SEC61A2: variants seen among roughly 807,000 people sequenced by gnomAD.
SEC61A2 encodes protein transport protein Sec61 subunit alpha isoform 2.
In SEC61A2, 28 loss-of-function variants were observed where a neutral mutation model predicts 59.9. The ratio of observed to expected loss-of-function variants is 0.47; its 90% CI spans 0.35 to 0.64. The LOEUF is 0.64. Among genes scored for constraint, SEC61A2 ranks in the 30% least tolerant of loss-of-function variants. The probability of loss-of-function intolerance (pLI) is 0.01; values close to 1 mark genes in which losing one functional copy is unlikely to be tolerated. For missense variants in SEC61A2, 340 were observed against 585.9 expected (o/e 0.58, Z 4.33); for synonymous variants, 202 against 214.4 (o/e 0.94, Z 0.50).
At chr10:12,146,137 C>T (rs1242502681) in intron 4 of SEC61A2, among the ~76,000 whole-genome samples, 2 of 152,190 alleles carry the variant, frequency 1.3e-5, no homozygotes, top group East Asian at 1.9e-4. Flanking sequence ...TTTCCTGCCT[C>T]AGCCTCCTGA....
intron 6 of SEC61A2, among the ~76,000 whole-genome samples, chr10:12,150,798 G>A (rs573229659): frequency 4.3e-4 from 63 of 147,602 alleles, no homozygotes; most frequent in African/African-American, 1.5e-3. Context: ...TTTTTGAGAC[G>A]GAGTCTCACT....
At position 12,142,363 on chromosome 10, in the gene SEC61A2, C is replaced by T. The variant is rs1358191614; in HGVS notation, c.142-754C>T. On this transcript the variant is annotated intron_variant, in intron 3 of 11. Transcript: ENST00000298428. This position sits in a 1 kb window ranked among gnomAD's most constrained non-coding sequence, Gnocchi z 5.4. ...AAATGTCTTGGGTGGGGGCTAAAATCACCCCTAGTTTAGAACTGCTATTTT... is the reference window on the plus strand; with the variant it reads ...AAATGTCTTGGGTGGGGGCTAAAATTACCCCTAGTTTAGAACTGCTATTTT... 1 of 248,240 alleles carries T rather than the reference C, an allele frequency of 4.0e-6. No homozygotes were observed. Among genetic ancestry groups the T allele is most frequent in the Non-Finnish European group, 6.4e-6 (1 of 156,188 alleles). 15.4% of individuals were successfully genotyped at this position (248,240 alleles called of 1,614,324 possible). A position where few individuals can be genotyped will look rare whatever the true frequency, so the allele number is the denominator to read the frequency against.
downstream of SEC61A2, chr10:12,167,656 G>A (rs771153328): frequency 6.4e-7 from 1 of 1,560,650 alleles, no homozygotes; most frequent in South Asian, 1.1e-5. Context: ...TAGTGAAGAA[G>A]GCCTGGTGGT....
chr10:12,139,145 A>T (rs905907193), intron 3 of SEC61A2, among the ~76,000 whole-genome samples: 1 of 151,784 alleles, frequency 6.6e-6, no homozygotes, highest in Admixed American at 6.6e-5. Flanking sequence ...TATTTTTCGT[A>T]GAGCTGGGGT....
intron 3 of SEC61A2, 63 bp downstream of exon 3, chr10:12,136,233 A>C: frequency 9.6e-7 from 1 of 1,044,346 alleles, no homozygotes; most frequent in Admixed American, 1.9e-5. Context: ...ATTGGTTAGA[A>C]TTTGAGAATT....
chr10:12,146,116 G>A (rs1370662471), intron 4 of SEC61A2, among the ~76,000 whole-genome samples: 2 of 152,096 alleles, frequency 1.3e-5, no homozygotes, highest in Non-Finnish European at 1.5e-5. Context: ...CACTTCTCAG[G>A]TTCAAGCGAT....
downstream of SEC61A2, chr10:12,166,727 T>C (rs1246182293): frequency 2.0e-6 from 1 of 510,020 alleles, no homozygotes; most frequent in Non-Finnish European, 4.0e-6. Context: ...TGGAAAATCA[T>C]GGAGCTGCTG....
chr10:12,131,881 G>C (rs1311581015), intron 1 of SEC61A2, among the ~76,000 whole-genome samples: 1 of 3,692 alleles, frequency 2.7e-4, no homozygotes, highest in Non-Finnish European at 4.9e-4. Flanking sequence ...ATTTTTAGTA[G>C]AGACGGGGGT....
In SEC61A2 at chr10:12,141,189, C is replaced by T. The variant is rs565604112; in HGVS notation, c.142-1928C>T. Reference sequence around the variant, plus strand: ...TACTGGTGTTACAGGCCTGAGCCATCGTGCCTGGCCCTCACCTCTCACTTT... The same window carrying T: ...TACTGGTGTTACAGGCCTGAGCCATTGTGCCTGGCCCTCACCTCTCACTTT... On this transcript the variant is annotated intron_variant, in intron 3 of 11. Coordinates refer to ENST00000298428, the MANE Select transcript of SEC61A2 (RefSeq NM_018144.4). Among the ~76,000 whole-genome samples, 5 of 152,296 alleles carry T rather than the reference C, an allele frequency of 3.3e-5. No individual in the cohort carries two copies. The South Asian group carries it at 6.2e-4, about 19-fold the overall frequency.
chr10:12,151,441 A>T (rs1199730009), intron 6 of SEC61A2, among the ~76,000 whole-genome samples: 1 of 148,666 alleles, frequency 6.7e-6, no homozygotes. Context: ...CTTCCTGAGT[A>T]GCTGGGACTA....
At position 12,155,584 on chromosome 10, in the gene SEC61A2, G is replaced by C. The variant is rs1834378558; in HGVS notation, c.463-194G>C. 6.6e-6 allele frequency among the ~76,000 whole-genome samples: 1 copy of C among 152,188 alleles called. No individual in the cohort carries two copies. Among genetic ancestry groups the C allele is most frequent in the African/African-American group, 2.4e-5 (1 of 41,444 alleles). On this transcript the variant is annotated intron_variant, in intron 6 of 11. Transcript: ENST00000298428. This position sits in a 1 kb window ranked among gnomAD's most constrained non-coding sequence, Gnocchi z 4.3. The stretch of plus-strand genomic sequence containing the variant: ...GCTTTATAATACAACAGTATTTCCA[G>C]TCCTCTTACTGTTCTAGATTGGCCT...
chr10:12,138,810 A>G (rs1337615185), intron 3 of SEC61A2, among the ~76,000 whole-genome samples: 2 of 152,214 alleles, frequency 1.3e-5, no homozygotes, highest in African/African-American at 2.4e-5. Flanking sequence ...CAACACATCA[A>G]TTTGCTATGA....
rs1351171744 is a variant in SEC61A2, at chr10:12,152,107, G to C, written c.462+2146G>C. Among the ~76,000 whole-genome samples, 4 of 151,670 alleles carry C rather than the reference G, an allele frequency of 2.6e-5. No individual in the cohort carries two copies. Among genetic ancestry groups the C allele is most frequent in the African/African-American group, 9.7e-5 (4 of 41,256 alleles). ...GGGCAGGAATTTTTTTTTTCGAGAC[G>C]GAGTCCTGCTCTGTCTCCCAGACTA... On this transcript the variant is annotated intron_variant, in intron 6 of 11. Transcript: ENST00000298428. The surrounding 1 kb of genome is among the most constrained non-coding windows in gnomAD (Gnocchi z 5.5).
Position 12,164,542 on chromosome 10 carries a change from C to T in SEC61A2, c.*88C>T. ...AGATGACACTGGTGGCTCCCCTTTT[C>T]TCCCCTCACAGTTTCTTGTTTCGAG... On this transcript the variant is annotated 3_prime_UTR_variant, in exon 12 of 12. Transcript: ENST00000298428. This position sits in a 1 kb window ranked among gnomAD's most constrained non-coding sequence, Gnocchi z 7.3. 1.3e-6 allele frequency: 2 copies of T among 1,526,668 alleles called. No homozygotes were observed. The highest frequency in any genetic ancestry group is 1.8e-6 in the Non-Finnish European group (2 of 1,141,304). 94.6% of individuals were successfully genotyped at this position (1,526,668 alleles called of 1,614,324 possible). A position where few individuals can be genotyped will look rare whatever the true frequency, so the allele number is the denominator to read the frequency against.
At chr10:12,167,767 A>C (rs1234527318), downstream of SEC61A2, 1 of 1,614,238 alleles carries the variant, frequency 6.2e-7, no homozygotes, top group Non-Finnish European at 8.5e-7. Flanking sequence ...AGAGCGTAGG[A>C]ATAGACCCTG....
rs999244352 is a variant in SEC61A2 at position 12,158,971 on chromosome 10, AT to A, written c.975+875del. 4.8e-5 allele frequency among the ~76,000 whole-genome samples: 7 copies of A among 146,382 alleles called. No individual in the cohort carries two copies. The East Asian group carries it at 6.0e-4, about 13-fold the overall frequency. On this transcript the variant is annotated intron_variant, in intron 9 of 11. Coordinates refer to ENST00000298428, the MANE Select transcript of SEC61A2 (RefSeq NM_018144.4). The surrounding 1 kb of genome is among the most constrained non-coding windows in gnomAD (Gnocchi z 5.7). ...ATTCTCATATACATCCCCCATCATA[AT>A]TTTTTTTTCTTTTTTTTTTTTTTGA... is the stretch of plus-strand genomic sequence containing the variant.
chr10:12,157,802 G>A lies in SEC61A2; in HGVS notation c.778-106G>A, dbSNP rs536983856. 43 of 1,058,686 alleles carry A rather than the reference G, an allele frequency of 4.1e-5. 1 individual carries two copies. In the East Asian group the frequency reaches 8.6e-4, roughly 21 times the overall value. The allele number at this position is 1,058,686 out of a possible 1,614,324, so 65.6% of individuals were successfully genotyped here. ...AGGCCTGAGCCCCTGTGCCCGGCCG[G>A]CATTGTCTTTTCATCCCCCGCACTG... On this transcript the variant is annotated intron_variant, in intron 8 of 11. Transcript: ENST00000298428.
rs1413839157 is a variant in SEC61A2, at chr10:12,142,731, A to G, written c.142-386A>G. Among the ~76,000 whole-genome samples, 1 of 152,192 alleles carries G rather than the reference A, an allele frequency of 6.6e-6. No individual in the cohort carries two copies. The highest frequency in any genetic ancestry group is 2.4e-5 in the African/African-American group (1 of 41,454). On this transcript the variant is annotated intron_variant, in intron 3 of 11. Coordinates refer to ENST00000298428, the MANE Select transcript of SEC61A2 (RefSeq NM_018144.4). This position sits in a 1 kb window ranked among gnomAD's most constrained non-coding sequence, Gnocchi z 5.4. Reference sequence around the variant, plus strand: ...AAGCGATGTATTTACTAGTGAATGCACCAAGTGATGATTTGTTGTTTTTAT... The same window carrying G: ...AAGCGATGTATTTACTAGTGAATGCGCCAAGTGATGATTTGTTGTTTTTAT...
In SEC61A2 at chr10:12,149,775, G is replaced by C. The variant is rs764121388; in HGVS notation, c.352+49G>C. ...GCATTCTCCAAATTTGAGAGTGCTC[G>C]TGGTAAAGATGTTTTCTCTAGTCTT... On this transcript the variant is annotated intron_variant, in intron 5 of 11. Transcript: ENST00000298428. This position sits in a 1 kb window ranked among gnomAD's most constrained non-coding sequence, Gnocchi z 5.2. The C allele has an allele frequency of 6.2e-7, 1 of 1,606,328 alleles. No homozygotes were observed. The highest frequency in any genetic ancestry group is 8.5e-7 in the Non-Finnish European group (1 of 1,175,786).
Sources: gnomAD v4.1 joint callset for allele counts (sites outside exome capture counted in the v4.1 genomes callset) on GRCh38, gnomAD v4.1.1 for gene constraint, Gnocchi (gnomAD v3.1) non-coding constraint, MANE v1.5 for transcripts, NCBI Gene and HGNC (gene_info 2026-07-23, HGNC 2026-07-21) for gene names.